Variants in CRYL1 observed in about 807,000 individuals in gnomAD.
CRYL1 encodes the protein lambda-crystallin homolog.
A neutral mutation model predicts 36.6 loss-of-function variants in CRYL1; 29 were observed. The observed-to-expected ratio is 0.79, with a 90% CI of 0.59 to 1.08. The LOEUF is 1.08. Ranked by LOEUF, CRYL1 falls within the 50% of genes least tolerant of loss-of-function variation. The pLI is 0.00. For missense variants in CRYL1, 411 were observed against 407.9 expected (o/e 1.01, Z -0.06); for synonymous variants, 152 against 151.5 (o/e 1.00, Z -0.02).
rs1443047855 is a variant in CRYL1 at position 20,435,785 on chromosome 13, G to A, written c.439-3489C>T. 6.6e-6 allele frequency among the ~76,000 whole-genome samples: 1 copy of A among 152,190 alleles called. No individual in the cohort carries two copies. Among genetic ancestry groups the A allele is most frequent in the East Asian group, 1.9e-4 (1 of 5,166 alleles). On this transcript the variant is annotated intron_variant, in intron 4 of 7. Coordinates refer to ENST00000298248, the MANE Select transcript of CRYL1 (RefSeq NM_015974.3). The surrounding 1 kb of genome is among the most constrained non-coding windows in gnomAD (Gnocchi z 4.0). ...CCCATGTGACCGCGCCGACAGCGCG[G>A]CTGCCCACAGAGACTCCCTTCACCC...
At chr13:20,512,661 T>C (rs2033935937) in intron 1 of CRYL1, 111 bp from the exon 2 acceptor site, 1 of 697,852 alleles carries the variant, frequency 1.4e-6, no homozygotes, top group African/African-American at 1.8e-5. Context: ...TCTTAAAATA[T>C]TCAATACATA....
intron 1 of CRYL1, among the ~76,000 whole-genome samples, chr13:20,517,091 A>C (rs2137517073): frequency 6.6e-6 from 1 of 152,198 alleles, no homozygotes; most frequent in Non-Finnish European, 1.5e-5. Flanking sequence ...AAAGAAGGTA[A>C]TCTTGCTCTA....
intron 3 of CRYL1, among the ~76,000 whole-genome samples, chr13:20,449,971 A>G (rs970627443): frequency 2.0e-5 from 3 of 152,252 alleles, no homozygotes; most frequent in Admixed American, 6.5e-5. Context: ...AAAGTATTCC[A>G]TGCTTATGGA....
intron 3 of CRYL1, among the ~76,000 whole-genome samples, chr13:20,488,867 C>T (rs1214007254): frequency 2.0e-5 from 3 of 152,246 alleles, no homozygotes; most frequent in Admixed American, 6.5e-5. Flanking sequence ...CCACTCACCT[C>T]TCCAGGCTCA....
intron 3 of CRYL1, among the ~76,000 whole-genome samples, chr13:20,482,971 T>C (rs1045952552): frequency 2.6e-5 from 4 of 152,054 alleles, no homozygotes; most frequent in African/African-American, 7.2e-5. Flanking sequence ...TTCTCACTCA[T>C]GTAGGGGAGC....
In CRYL1 at chr13:20,415,325, A is replaced by T. The variant is rs1456606132; in HGVS notation, c.634-1938T>A. 6.6e-6 allele frequency among the ~76,000 whole-genome samples: 1 copy of T among 152,078 alleles called. No individual in the cohort carries two copies. The highest frequency in any genetic ancestry group is 1.5e-5 in the Non-Finnish European group (1 of 67,972). The stretch of plus-strand genomic sequence containing the variant: ...CTCGAGGTTCCTGGGCCTCCAGGGC[A>T]GCCCCAGGGGTCCCCCGAGAAGCGA... On this transcript the variant is annotated intron_variant, in intron 5 of 7. Transcript: ENST00000298248. The surrounding 1 kb of genome is among the most constrained non-coding windows in gnomAD (Gnocchi z 4.1).
At chr13:20,509,507 A>G (rs1179707002) in intron 2 of CRYL1, among the ~76,000 whole-genome samples, 1 of 152,204 alleles carries the variant, frequency 6.6e-6, no homozygotes, top group African/African-American at 2.4e-5. Context: ...AAAAATTTTA[A>G]GGCTTCCCCT....
intron 3 of CRYL1, among the ~76,000 whole-genome samples, chr13:20,470,034 A>T (rs2033021649): frequency 6.6e-6 from 1 of 152,244 alleles, no homozygotes; most frequent in South Asian, 2.1e-4. Context: ...CGACAGTGCG[A>T]TCACCTGGAG....
intron 5 of CRYL1, among the ~76,000 whole-genome samples, chr13:20,429,647 C>T (rs557218803): frequency 2.0e-5 from 3 of 152,282 alleles, no homozygotes; most frequent in South Asian, 2.1e-4. Context: ...CACACTGAGA[C>T]GAGGCACGGT....
chr13:20,447,630 G>A (rs2032484676), intron 3 of CRYL1, among the ~76,000 whole-genome samples: 1 of 152,014 alleles, frequency 6.6e-6, no homozygotes, highest in Non-Finnish European at 1.5e-5. Flanking sequence ...AGTGCAAAGG[G>A]AAAACTGAAA....
Position 20,415,846 on chromosome 13 carries a change from G to A in CRYL1, c.634-2459C>T, listed in dbSNP as rs1351923343. On this transcript the variant is annotated intron_variant, in intron 5 of 7. Transcript: ENST00000298248. This position sits in a 1 kb window ranked among gnomAD's most constrained non-coding sequence, Gnocchi z 4.1. ...ATCTTCCTGTAAGTGGAATCACTGA[G>A]CGCGCGTTCTTTCGTGACTTGTCTC... is the stretch of plus-strand genomic sequence containing the variant. 6.6e-6 allele frequency among the ~76,000 whole-genome samples: 1 copy of A among 152,168 alleles called. No individual in the cohort carries two copies. Among genetic ancestry groups the A allele is most frequent in the Non-Finnish European group, 1.5e-5 (1 of 68,042 alleles).
intron 6 of CRYL1, 58 bp downstream of exon 6, chr13:20,413,224 C>T (rs2031568211): frequency 8.0e-7 from 1 of 1,249,026 alleles, no homozygotes; most frequent in South Asian, 1.3e-5. Context: ...TGACTGTTTA[C>T]AAAACCCATG....
chr13:20,488,296 A>C (rs941196109), intron 3 of CRYL1, among the ~76,000 whole-genome samples: 1 of 152,156 alleles, frequency 6.6e-6, no homozygotes, highest in South Asian at 2.1e-4. Context: ...ACTCATTAGG[A>C]GCCCTCAGGT....
At chr13:20,499,663 A>C (rs1368808458) in intron 2 of CRYL1, among the ~76,000 whole-genome samples, 7 of 152,084 alleles carry the variant, frequency 4.6e-5, no homozygotes, top group South Asian at 2.1e-4. Flanking sequence ...CACACAAAAA[A>C]AAATGTAGGA....
chr13:20,452,148 G>C (rs1189851023), intron 3 of CRYL1, among the ~76,000 whole-genome samples: 4 of 151,568 alleles, frequency 2.6e-5, no homozygotes, highest in Non-Finnish European at 5.9e-5. Flanking sequence ...GGAAGGGAGA[G>C]GGAGAGAGTT....
intron 5 of CRYL1, among the ~76,000 whole-genome samples, chr13:20,421,758 TAGA>T (rs1445427955): frequency 6.6e-6 from 1 of 151,254 alleles, no homozygotes; most frequent in Non-Finnish European, 1.5e-5. Flanking sequence ...TAATGATTGC[TAGA>T]AGGTGTTATA....
intron 5 of CRYL1, chr13:20,430,498 AGCAGG>A: frequency 1.0e-6 from 1 of 985,438 alleles, no homozygotes. Flanking sequence ...GACAACCAAA[AGCAGG>A]GTGGACATCG....
rs544086128 is a variant in CRYL1, at chr13:20,439,247, G to A, written c.438+346C>T. On this transcript the variant is annotated intron_variant, in intron 4 of 7. Coordinates refer to ENST00000298248, the MANE Select transcript of CRYL1 (RefSeq NM_015974.3). ...TTGATAGTAGAATTATTTATTAGTCGGCCTCCTCAGCTACACAGTTACTTG... is the reference window on the plus strand; with the variant it reads ...TTGATAGTAGAATTATTTATTAGTCAGCCTCCTCAGCTACACAGTTACTTG... 3.9e-5 allele frequency among the ~76,000 whole-genome samples: 6 copies of A among 152,004 alleles called. No homozygotes were observed. In the South Asian group the frequency reaches 6.2e-4, roughly 16 times the overall value.
chr13:20,420,282 C>T lies in CRYL1; in HGVS notation c.634-6895G>A, dbSNP rs555908755. Among the ~76,000 whole-genome samples, 21 of 152,280 alleles carry T rather than the reference C, an allele frequency of 1.4e-4. No homozygotes were observed. In the East Asian group the frequency reaches 3.9e-3, roughly 28 times the overall value. ...AGATGAGAAACACCAGGTGGACCAC[C>T]CTGGCCAGGCTGCTGGGAACAAGCC... On this transcript the variant is annotated intron_variant, in intron 5 of 7. Transcript: ENST00000298248.
Sources: gnomAD v4.1 joint callset for allele counts (sites outside exome capture counted in the v4.1 genomes callset) on GRCh38, gnomAD v4.1.1 for gene constraint, Gnocchi (gnomAD v3.1) non-coding constraint, MANE v1.5 for transcripts, NCBI Gene and HGNC (gene_info 2026-07-23, HGNC 2026-07-21) for gene names.